The following SCAP variants were observed in gnomAD, a reference collection of about 807,000 sequenced individuals.
The protein encoded by SCAP is SREBF chaperone.
A neutral mutation model predicts 123.6 loss-of-function variants in SCAP; 65 were observed. The ratio of observed to expected loss-of-function variants is 0.53; its 90% confidence interval spans 0.43 to 0.65. The LOEUF (loss-of-function observed/expected upper bound fraction) is 0.65, where lower values mean the gene tolerates loss of function less well. Ranked by LOEUF, SCAP falls within the 30% of genes least tolerant of loss-of-function variation. The probability of loss-of-function intolerance (pLI) is 0.00; values close to 1 mark genes in which losing one functional copy is unlikely to be tolerated. For missense variants in SCAP, 1,398 were observed against 1,712.5 expected (o/e 0.82, Z 3.24); for synonymous variants, 740 against 726.3 (o/e 1.02, Z -0.30).
At chr3:47,469,191 T>C (rs1197227305) in intron 1 of SCAP, among the ~76,000 whole-genome samples, 1 of 152,052 alleles carries the variant, frequency 6.6e-6, no homozygotes, top group Non-Finnish European at 1.5e-5. Flanking sequence ...CTACAAAAAA[T>C]ACAAAAATTA....
At position 47,458,159 on chromosome 3, in the gene SCAP, G is replaced by A. The variant is rs181075151; in HGVS notation, c.-98-15068C>T. Among the ~76,000 whole-genome samples the A allele has an allele frequency of 1.8e-3, 275 of 151,868 alleles. 2 individuals carry two copies. Among genetic ancestry groups the A allele is most frequent in the Non-Finnish European group, 2.7e-3 (184 of 67,930 alleles). On this transcript the variant is annotated intron_variant, in intron 1 of 22. Transcript: ENST00000265565. ...AAAAATTAGCAGGGCGTGGCCAGGCGCAGTGGCTCATGCCTGTAATCCCAG... is the reference window on the plus strand; with the variant it reads ...AAAAATTAGCAGGGCGTGGCCAGGCACAGTGGCTCATGCCTGTAATCCCAG...
intron 4 of SCAP, among the ~76,000 whole-genome samples, 173 bp from the exon 5 acceptor site, chr3:47,427,840 C>T (rs999746025): frequency 6.6e-6 from 1 of 152,202 alleles, no homozygotes; most frequent in Non-Finnish European, 1.5e-5. Flanking sequence ...TGGCCAATAA[C>T]CTAAACATGT....
intron 1 of SCAP, among the ~76,000 whole-genome samples, chr3:47,473,080 C>A (rs200905944): frequency 1.4e-3 from 54 of 38,036 alleles, no homozygotes; most frequent in African/African-American, 2.3e-3. Context: ...AACTCCATCT[C>A]AAAAAAAAAA....
intron 16 of SCAP, 145 bp downstream of exon 16, chr3:47,417,989 G>GAAA (rs1705699894): frequency 5.3e-6 from 3 of 561,528 alleles, no homozygotes; most frequent in Non-Finnish European, 9.6e-6. Context: ...GGGGTGGTGG[G>GAAA]AGGGGGTGCG....
In SCAP at chr3:47,420,924, C is replaced by T; in HGVS notation, c.1344+7G>A. ...GGCGGGCAGGGCAGGGCTCAGCCCA[C>T]TCCTACCTCCATCCGGCGAATGTCA... On this transcript the variant is annotated splice_region_variant and intron_variant, in intron 11 of 22. Transcript: ENST00000265565. This position sits in a 1 kb window ranked among gnomAD's most constrained non-coding sequence, Gnocchi z 5.0. 2 of 1,613,086 alleles carry T rather than the reference C, an allele frequency of 1.2e-6. No individual in the cohort carries two copies. Among genetic ancestry groups the T allele is most frequent in the South Asian group, 1.1e-5 (1 of 91,066 alleles).
intron 3 of SCAP, among the ~76,000 whole-genome samples, chr3:47,432,934 C>CA (rs1474346387): frequency 6.6e-6 from 1 of 152,200 alleles, no homozygotes; most frequent in Admixed American, 6.5e-5. Flanking sequence ...AGGGGACAGG[C>CA]AGGTAACCCT....
chr3:47,468,569 G>A (rs531506173), intron 1 of SCAP, among the ~76,000 whole-genome samples: 1 of 150,994 alleles, frequency 6.6e-6, no homozygotes, highest in Non-Finnish European at 1.5e-5. Context: ...AGGGTTGTTT[G>A]ATTTTTTTCT....
At chr3:47,436,618 G>A (rs1403494584) in intron 2 of SCAP, among the ~76,000 whole-genome samples, 1 of 151,622 alleles carries the variant, frequency 6.6e-6, no homozygotes, top group Admixed American at 6.6e-5. Context: ...AACACAGTGA[G>A]ACCCCATCTC....
chr3:47,442,634 T>A (rs1275177872), intron 2 of SCAP, among the ~76,000 whole-genome samples: 1 of 152,200 alleles, frequency 6.6e-6, no homozygotes, highest in East Asian at 1.9e-4. Flanking sequence ...TATTTTGAGA[T>A]AGAGTACCAG....
At chr3:47,421,690 T>C (rs1294627740) in intron 10 of SCAP, among the ~76,000 whole-genome samples, 3 of 152,230 alleles carry the variant, frequency 2.0e-5, no homozygotes, top group Non-Finnish European at 1.5e-5. Context: ...CTGTACCCTA[T>C]CCTGCAGATA....
chr3:47,428,814 G>A, intron 3 of SCAP, 144 bp from the exon 4 acceptor site: 1 of 796,138 alleles, frequency 1.3e-6, no homozygotes, highest in Non-Finnish European at 1.9e-6. Flanking sequence ...TCTTGAGTTT[G>A]CAGGATGGCA....
chr3:47,457,287 C>T (rs1707462516), intron 1 of SCAP, among the ~76,000 whole-genome samples: 2 of 152,142 alleles, frequency 1.3e-5, no homozygotes, highest in Non-Finnish European at 2.9e-5. Flanking sequence ...TGTATTTCTA[C>T]ATTGAAAAGC....
At chr3:47,473,093 A>AAAAAAAAAAAC (rs1553652466) in intron 1 of SCAP, among the ~76,000 whole-genome samples, 2 of 147,130 alleles carry the variant, frequency 1.4e-5, no homozygotes, top group South Asian at 2.2e-4. Flanking sequence ...AAAAAAAAAA[A>AAAAAAAAAAAC]AAAAAACAGA....
chr3:47,420,833 C>T lies in SCAP; in HGVS notation c.1345-61G>A, dbSNP rs535802209. Reference sequence around the variant, plus strand: ...CATCCAGAGGCTGCTCGCACAGGACCGCTGTCCTGCCCGAGGTCTACACCC... The same window carrying T: ...CATCCAGAGGCTGCTCGCACAGGACTGCTGTCCTGCCCGAGGTCTACACCC... On this transcript the variant is annotated intron_variant, in intron 11 of 22. Coordinates refer to ENST00000265565, the MANE Select transcript of SCAP (RefSeq NM_012235.4). The surrounding 1 kb of genome is among the most constrained non-coding windows in gnomAD (Gnocchi z 5.0). 8.5e-5 allele frequency: 131 copies of T among 1,545,128 alleles called. No individual in the cohort carries two copies. The Admixed American group carries it at 1.0e-3, about 12-fold the overall frequency.
chr3:47,428,878 T>C, intron 3 of SCAP: 2 of 519,930 alleles, frequency 3.8e-6, no homozygotes, highest in Admixed American at 3.7e-5. Context: ...GCTTATGAGA[T>C]AAAAGAACTG....
At chr3:47,452,114 CT>C (rs1707248880) in intron 1 of SCAP, among the ~76,000 whole-genome samples, 1 of 152,186 alleles carries the variant, frequency 6.6e-6, no homozygotes, top group Non-Finnish European at 1.5e-5. Flanking sequence ...CCTATTTCTT[CT>C]TTTTCAGTGC....
intron 2 of SCAP, among the ~76,000 whole-genome samples, chr3:47,440,603 G>A (rs1314671255): frequency 6.6e-6 from 1 of 152,202 alleles, no homozygotes; most frequent in Admixed American, 6.5e-5. Context: ...AGGTTTGGTG[G>A]CTCACACCTG....
At position 47,429,354 on chromosome 3, in the gene SCAP, G is replaced by C. The variant is rs533166948; in HGVS notation, c.253-684C>G. Among the ~76,000 whole-genome samples, 3 of 152,336 alleles carry C rather than the reference G, an allele frequency of 2.0e-5. No homozygotes were observed. The South Asian group carries it at 6.2e-4, about 32-fold the overall frequency. On this transcript the variant is annotated intron_variant, in intron 3 of 22. Transcript: ENST00000265565. ...AACGATGGCCTGTAGGCCAAATCAG[G>C]GCCCATGCCTGTTTTTCTTTTTGAG...
chr3:47,415,282 G>C (rs1169033551), intron 18 of SCAP, 102 bp from the exon 19 acceptor site: 3 of 1,053,654 alleles, frequency 2.8e-6, no homozygotes, highest in Non-Finnish European at 4.1e-6. Flanking sequence ...AGAAGGCACA[G>C]GAGGGACATG....
Sources: gnomAD v4.1 joint callset for allele counts (sites outside exome capture counted in the v4.1 genomes callset) on GRCh38, gnomAD v4.1.1 for gene constraint, Gnocchi (gnomAD v3.1) non-coding constraint, MANE v1.5 for transcripts, NCBI Gene and HGNC (gene_info 2026-07-23, HGNC 2026-07-21) for gene names.